Variants in MDGA2 observed in about 807,000 individuals in gnomAD.
MDGA2 encodes MAM domain containing glycosylphosphatidylinositol anchor 2.
MDGA2 carries 40 observed loss-of-function variants against 117.8 expected under a neutral mutation model. That is an observed-to-expected ratio of 0.34 (90% CI 0.26 to 0.44). The LOEUF is 0.44. Ranked by LOEUF, MDGA2 falls within the 20% of genes least tolerant of loss-of-function variation. MDGA2 has a pLI of 1.00. For missense variants in MDGA2, 1,123 were observed against 1,250.6 expected (o/e 0.90, Z 1.54); for synonymous variants, 452 against 439.0 (o/e 1.03, Z -0.37).
At chr14:47,586,588 G>A (rs1896329520) in intron 1 of MDGA2, among the ~76,000 whole-genome samples, 1 of 151,900 alleles carries the variant, frequency 6.6e-6, no homozygotes, top group South Asian at 2.1e-4. Flanking sequence ...ACTCTTCCCA[G>A]AGTTGTTGTT....
At chr14:47,503,239 T>G (rs948454283) in intron 1 of MDGA2, among the ~76,000 whole-genome samples, 2 of 151,912 alleles carry the variant, frequency 1.3e-5, no homozygotes, top group Non-Finnish European at 2.9e-5. Context: ...TGGATATAGC[T>G]GGGTTCCATG....
chr14:47,305,845 C>T (rs1046047895), intron 1 of MDGA2, among the ~76,000 whole-genome samples: 5 of 152,142 alleles, frequency 3.3e-5, no homozygotes, highest in African/African-American at 9.7e-5. Flanking sequence ...ACAAAGCAGA[C>T]GATAGCTAAA....
intron 2 of MDGA2, among the ~76,000 whole-genome samples, chr14:47,257,560 T>C (rs1186075581): frequency 6.6e-6 from 1 of 152,174 alleles, no homozygotes; most frequent in Non-Finnish European, 1.5e-5. Flanking sequence ...ATTGGCATCA[T>C]TTTGTTCATA....
At chr14:47,375,500 T>A (rs1158774107) in intron 1 of MDGA2, among the ~76,000 whole-genome samples, 1 of 152,114 alleles carries the variant, frequency 6.6e-6, no homozygotes, top group East Asian at 1.9e-4. Context: ...TTTAAATAAC[T>A]TGCTTTCCCT....
chr14:47,356,978 T>G (rs750440774), intron 1 of MDGA2, among the ~76,000 whole-genome samples: 1 of 152,216 alleles, frequency 6.6e-6, no homozygotes, highest in South Asian at 2.1e-4. Flanking sequence ...AAGAGCTCCA[T>G]TGGAAAAATA....
chr14:47,599,590 C>T (rs1353552654), intron 1 of MDGA2, among the ~76,000 whole-genome samples: 1 of 152,146 alleles, frequency 6.6e-6, no homozygotes, highest in Non-Finnish European at 1.5e-5. Flanking sequence ...CTCCATTTCC[C>T]CCTTTGACAA....
chr14:47,614,630 C>T (rs1896916468), intron 1 of MDGA2, among the ~76,000 whole-genome samples: 1 of 152,122 alleles, frequency 6.6e-6, no homozygotes, highest in South Asian at 2.1e-4. Flanking sequence ...TTAAAAAGGC[C>T]AAGTTTCCTG....
intron 2 of MDGA2, among the ~76,000 whole-genome samples, chr14:47,287,952 AC>A (rs973659382): frequency 6.6e-6 from 1 of 152,120 alleles, no homozygotes; most frequent in Non-Finnish European, 1.5e-5. Flanking sequence ...ATTGCCAGCT[AC>A]CCCCAGAAGC....
intron 1 of MDGA2, among the ~76,000 whole-genome samples, chr14:47,492,864 G>A (rs1304216782): frequency 6.6e-6 from 1 of 151,894 alleles, no homozygotes. Context: ...ACAGTCTTTT[G>A]GTTCATAATT....
intron 3 of MDGA2, among the ~76,000 whole-genome samples, chr14:47,164,447 G>C (rs994844770): frequency 1.3e-5 from 2 of 152,188 alleles, no homozygotes; most frequent in Non-Finnish European, 2.9e-5. Context: ...CAAAGGATAT[G>C]AACAGACACT....
chr14:46,920,268 T>A, intron 9 of MDGA2, 108 bp from the exon 10 acceptor site: 1 of 1,062,392 alleles, frequency 9.4e-7, no homozygotes, highest in Non-Finnish European at 1.3e-6. Context: ...CATTAGTAAT[T>A]ATAAAATCCA....
At chr14:47,498,602 C>G (rs1393071493) in intron 1 of MDGA2, among the ~76,000 whole-genome samples, 1 of 151,982 alleles carries the variant, frequency 6.6e-6, no homozygotes, top group Non-Finnish European at 1.5e-5. Context: ...CAGGAATTCA[C>G]CAACAAAGGT....
intron 6 of MDGA2, among the ~76,000 whole-genome samples, chr14:47,092,061 T>G (rs1879689178): frequency 6.6e-6 from 1 of 152,164 alleles, no homozygotes; most frequent in African/African-American, 2.4e-5. Context: ...GGCTACTTTA[T>G]CTAATATAGC....
intron 1 of MDGA2, among the ~76,000 whole-genome samples, chr14:47,660,617 G>GA (rs1206333191): frequency 1.3e-5 from 2 of 152,120 alleles, no homozygotes; most frequent in Non-Finnish European, 2.9e-5. Flanking sequence ...AACTCTGCGC[G>GA]AAAAATGCCC....
intron 1 of MDGA2, among the ~76,000 whole-genome samples, chr14:47,424,908 T>C (rs909430099): frequency 6.6e-6 from 1 of 152,122 alleles, no homozygotes; most frequent in African/African-American, 2.4e-5. Context: ...GATAGAGATA[T>C]GGAAAAGGCA....
chr14:47,394,305 T>G (rs1393637881), intron 1 of MDGA2, among the ~76,000 whole-genome samples: 1 of 152,106 alleles, frequency 6.6e-6, no homozygotes, highest in African/African-American at 2.4e-5. Flanking sequence ...GAGACATAGT[T>G]TTTTAAGCCT....
intron 14 of MDGA2, among the ~76,000 whole-genome samples, chr14:46,873,131 C>G (rs1421050112): frequency 6.6e-6 from 1 of 151,958 alleles, no homozygotes; most frequent in Non-Finnish European, 1.5e-5. Context: ...CGGAAAGAAG[C>G]AGCCTAAATT....
chr14:47,040,265 C>T (rs964194527), intron 7 of MDGA2, among the ~76,000 whole-genome samples: 40 of 152,120 alleles, frequency 2.6e-4, no homozygotes, highest in African/African-American at 9.2e-4. Context: ...GAAAAGAAAT[C>T]CTAGAAAGAA....
chr14:47,543,542 A>G (rs1185762761), intron 1 of MDGA2, among the ~76,000 whole-genome samples: 2 of 152,248 alleles, frequency 1.3e-5, no homozygotes, highest in Admixed American at 6.5e-5. Flanking sequence ...TGAACTGAAT[A>G]TAACTTCTGA....
Sources: gnomAD v4.1 joint callset for allele counts (sites outside exome capture counted in the v4.1 genomes callset) on GRCh38, gnomAD v4.1.1 for gene constraint, MANE v1.5 for transcripts, NCBI Gene and HGNC (gene_info 2026-07-23, HGNC 2026-07-21) for gene names.